Variants in ARMC9 observed in about 807,000 individuals in gnomAD.
The protein encoded by ARMC9 is armadillo repeat containing 9.
A neutral mutation model predicts 107.0 loss-of-function variants in ARMC9; 94 were observed. The observed-to-expected ratio is 0.88, with a 90% CI of 0.74 to 1.04. The LOEUF (loss-of-function observed/expected upper bound fraction) is 1.04. Among genes scored for constraint, ARMC9 ranks in the 50% least tolerant of loss-of-function variants. The pLI is 0.00. For missense variants in ARMC9, 942 were observed against 1,030.1 expected (o/e 0.91, Z 1.17); for synonymous variants, 380 against 396.9 (o/e 0.96, Z 0.51).
chr2:231,316,563 C>T (rs763748586), intron 19 of ARMC9, among the ~76,000 whole-genome samples: 3 of 151,354 alleles, frequency 2.0e-5, no homozygotes, highest in Admixed American at 1.3e-4. Context: ...GTGGGAGAAT[C>T]GCTTGAACCC....
intron 18 of ARMC9, chr2:231,295,869 G>C (rs1293193522): frequency 1.0e-5 from 2 of 190,710 alleles, no homozygotes; most frequent in Non-Finnish European, 2.1e-5. Flanking sequence ...GTGAAATAAC[G>C]GGTATGGCAG....
chr2:231,239,376 C>T (rs1574738834), intron 8 of ARMC9, among the ~76,000 whole-genome samples: 3 of 152,160 alleles, frequency 2.0e-5, no homozygotes, highest in South Asian at 4.1e-4. Flanking sequence ...CGCACGTTGT[C>T]GAGCACTGGA....
intron 12 of ARMC9, 169 bp from the exon 13 acceptor site, chr2:231,270,813 A>T: frequency 1.4e-6 from 1 of 718,014 alleles, no homozygotes; most frequent in Middle Eastern, 2.4e-4. Flanking sequence ...AGTCTCATCA[A>T]ATTTCAGTTG....
chr2:231,350,066 G>T (rs2044995469), intron 21 of ARMC9, among the ~76,000 whole-genome samples: 1 of 150,900 alleles, frequency 6.6e-6, no homozygotes. Flanking sequence ...TTGCTCTGTT[G>T]CCCAGGCTGG....
chr2:231,295,237 G>A (rs1436037981), intron 18 of ARMC9: 1 of 152,276 alleles, frequency 6.6e-6, no homozygotes, highest in African/African-American at 2.4e-5. Context: ...GATAGAGGGA[G>A]GAGTAAGTCA....
At chr2:231,289,472 A>T (rs1207809857) in intron 17 of ARMC9, among the ~76,000 whole-genome samples, 1 of 152,244 alleles carries the variant, frequency 6.6e-6, no homozygotes, top group Non-Finnish European at 1.5e-5. Context: ...ATCTCAAAAA[A>T]TAAATAAGTA....
chr2:231,222,084 T>C (rs1396882798), intron 5 of ARMC9, among the ~76,000 whole-genome samples: 3 of 152,172 alleles, frequency 2.0e-5, no homozygotes, highest in Non-Finnish European at 4.4e-5. Context: ...GGAAGATATT[T>C]CTGTATAAAG....
At chr2:231,303,117 G>A (rs1369873289) in intron 19 of ARMC9, among the ~76,000 whole-genome samples, 1 of 152,212 alleles carries the variant, frequency 6.6e-6, no homozygotes, top group East Asian at 1.9e-4. Context: ...AATCAGATGT[G>A]CTAATGTATA....
At chr2:231,218,404 A>G (rs912953616) in intron 5 of ARMC9, among the ~76,000 whole-genome samples, 2 of 152,150 alleles carry the variant, frequency 1.3e-5, no homozygotes, top group Non-Finnish European at 2.9e-5. Context: ...ATTTCTAAAA[A>G]TAAATATTCT....
chr2:231,366,572 G>A (rs2045824542), intron 23 of ARMC9, among the ~76,000 whole-genome samples: 1 of 152,048 alleles, frequency 6.6e-6, no homozygotes, highest in Non-Finnish European at 1.5e-5. Context: ...GCCAGCTGCG[G>A]TGGCTCACGC....
chr2:231,235,719 T>C (rs181219637), intron 8 of ARMC9, among the ~76,000 whole-genome samples: 39 of 152,324 alleles, frequency 2.6e-4, no homozygotes, highest in African/African-American at 8.9e-4. Flanking sequence ...CTCGGCTCAC[T>C]GCAACCTCCG....
At chr2:231,206,896 C>T (rs1377928901) in intron 2 of ARMC9, among the ~76,000 whole-genome samples, 1 of 152,230 alleles carries the variant, frequency 6.6e-6, no homozygotes, top group Non-Finnish European at 1.5e-5. Context: ...TAACCACCTG[C>T]AGGTTGCGAG....
intron 9 of ARMC9, among the ~76,000 whole-genome samples, chr2:231,249,214 G>C (rs551156885): frequency 6.6e-6 from 1 of 152,016 alleles, no homozygotes; most frequent in African/African-American, 2.4e-5. Context: ...GCCTGTGCCC[G>C]CAAATGCCCA....
intron 20 of ARMC9, among the ~76,000 whole-genome samples, chr2:231,340,107 A>G (rs919139457): frequency 5.3e-5 from 8 of 152,248 alleles, no homozygotes; most frequent in Admixed American, 2.6e-4. Flanking sequence ...ACGAAGGGAA[A>G]AGAACTGGCA....
At chr2:231,306,858 G>A (rs2042062638) in intron 19 of ARMC9, among the ~76,000 whole-genome samples, 2 of 152,166 alleles carry the variant, frequency 1.3e-5, no homozygotes, top group African/African-American at 2.4e-5. Flanking sequence ...CAGGGGAAGC[G>A]ACAGTGAAGC....
chr2:231,272,424 G>A (rs1040151547), intron 13 of ARMC9, among the ~76,000 whole-genome samples: 4 of 152,056 alleles, frequency 2.6e-5, no homozygotes, highest in African/African-American at 7.2e-5. Flanking sequence ...CCAACGCCTC[G>A]GCTCAAACAG....
intron 19 of ARMC9, among the ~76,000 whole-genome samples, chr2:231,317,752 A>T (rs1427391944): frequency 6.6e-6 from 1 of 151,130 alleles, no homozygotes; most frequent in Middle Eastern, 3.2e-3. Flanking sequence ...TGATTCTTTT[A>T]CCCTTTTGTA....
intron 19 of ARMC9, 28 bp from the exon 20 acceptor site, chr2:231,331,765 G>C: frequency 6.9e-6 from 11 of 1,596,586 alleles, no homozygotes; most frequent in Non-Finnish European, 8.6e-6. Flanking sequence ...GGGTGTCCAT[G>C]GCATTCACCC....
At chr2:231,259,138 C>G (rs1417460194) in intron 11 of ARMC9, 36 bp downstream of exon 11, 2 of 1,538,216 alleles carry the variant, frequency 1.3e-6, no homozygotes, top group Non-Finnish European at 1.8e-6. Context: ...AAAACAAAAC[C>G]AAACCAGTGC....
Sources: allele counts gnomAD v4.1 joint callset (sites outside exome capture counted in the v4.1 genomes callset), GRCh38; gene constraint gnomAD v4.1.1; transcripts MANE v1.5; gene names NCBI Gene and HGNC (gene_info 2026-07-23, HGNC 2026-07-21).